MYT1L: variants seen among roughly 807,000 people sequenced by gnomAD.
MYT1L encodes the protein myelin transcription factor 1-like protein.
Under a neutral mutation model 126.7 loss-of-function variants are expected in MYT1L, and 12 were observed. The observed-to-expected ratio is 0.09, with a 90% confidence interval of 0.06 to 0.15. MYT1L has a LOEUF of 0.15. Among genes scored for constraint, MYT1L ranks in the 10% least tolerant of loss-of-function variants. The probability of loss-of-function intolerance (pLI) is 1.00; values close to 1 mark genes in which losing one functional copy is unlikely to be tolerated. For missense variants in MYT1L, 979 were observed against 1,585.2 expected, an observed-to-expected ratio of 0.62 and a Z score of 6.49; for synonymous variants, 541 against 604.2, an observed-to-expected ratio of 0.90 and a Z score of 1.53.
In MYT1L at chr2:2,193,976, T is replaced by G. The variant is rs2092697623; in HGVS notation, c.-420-20988A>C. 3.3e-5 allele frequency among the ~76,000 whole-genome samples: 5 copies of G among 152,162 alleles called. No individual in the cohort carries two copies. In the South Asian group the frequency reaches 1.0e-3, roughly 31 times the overall value. ...TAATAAAAATTATGTTTTTGTTCTC[T>G]AAATCATTATAGTGATTTAAATTTT... On this transcript the variant is annotated intron_variant, in intron 2 of 24. Coordinates refer to ENST00000647738, the MANE Select transcript of MYT1L (RefSeq NM_001303052.2).
chr2:1,870,957 ACCCG>A (rs1384164083), intron 18 of MYT1L, among the ~76,000 whole-genome samples: 25 of 152,162 alleles, frequency 1.6e-4, no homozygotes, highest in Non-Finnish European at 2.9e-5. Context: ...CTTCTGCTTT[ACCCG>A]CCCTGCCCTA....
In MYT1L at chr2:2,072,562, GT is replaced by G. The variant is rs2074728739; in HGVS notation, c.-303-18440del. 3.9e-5 allele frequency among the ~76,000 whole-genome samples: 6 copies of G among 152,254 alleles called. No homozygotes were observed. In the South Asian group the frequency reaches 1.2e-3, roughly 32 times the overall value. On this transcript the variant is annotated intron_variant, in intron 3 of 24. Transcript: ENST00000647738. ...TAACCTTGGTAGCTTACAAATAACA[GT>G]TTATTTCTCACAGTTCTGGAGGCTG...
chr2:2,173,756 G>A (rs72769208), intron 2 of MYT1L, among the ~76,000 whole-genome samples: 6,716 of 152,296 alleles, frequency 0.044, 224 homozygotes, highest in Non-Finnish European at 0.068. Context: ...GCTTATTAAA[G>A]TGCGTCTATG....
At chr2:2,189,678 C>T (rs2092448520) in intron 2 of MYT1L, among the ~76,000 whole-genome samples, 1 of 152,138 alleles carries the variant, frequency 6.6e-6, no homozygotes, top group Non-Finnish European at 1.5e-5. Context: ...AAAATCTCTG[C>T]GAGGGCTTCA....
intron 2 of MYT1L, among the ~76,000 whole-genome samples, chr2:2,267,692 C>T (rs1019371692): frequency 6.6e-6 from 1 of 152,070 alleles, no homozygotes; most frequent in Admixed American, 6.6e-5. Context: ...AAAGAAGAGA[C>T]CCAGTGTGGT....
At chr2:1,996,100 G>A (rs2061812443) in intron 5 of MYT1L, among the ~76,000 whole-genome samples, 1 of 152,240 alleles carries the variant, frequency 6.6e-6, no homozygotes, top group South Asian at 2.1e-4. Flanking sequence ...CGGTGTGCAG[G>A]CTGATTGTTT....
chr2:2,044,545 A>T lies in MYT1L; in HGVS notation c.-158+9433T>A, dbSNP rs554226859. ...TGCAACGGGCTTTTGAAAATGCTAGAGTCTCTCCTCTTAGATGCAGCCTGA... is the reference window on the plus strand; with the variant it reads ...TGCAACGGGCTTTTGAAAATGCTAGTGTCTCTCCTCTTAGATGCAGCCTGA... On this transcript the variant is annotated intron_variant, in intron 4 of 24. Transcript: ENST00000647738. Among the ~76,000 whole-genome samples, 7 of 152,338 alleles carry T rather than the reference A, an allele frequency of 4.6e-5. No individual in the cohort carries two copies. The East Asian group carries it at 7.7e-4, about 17-fold the overall frequency.
chr2:2,280,889 G>A (rs929346619), intron 2 of MYT1L, among the ~76,000 whole-genome samples: 1 of 152,198 alleles, frequency 6.6e-6, no homozygotes, highest in Non-Finnish European at 1.5e-5. Context: ...CTGATGAAGT[G>A]ACTGAGGCTT....
At chr2:2,187,455 C>G (rs2092294081) in intron 2 of MYT1L, among the ~76,000 whole-genome samples, 1 of 151,936 alleles carries the variant, frequency 6.6e-6, no homozygotes, top group Non-Finnish European at 1.5e-5. Flanking sequence ...GCGGGGCTGG[C>G]TGCTGAAAGG....
rs80028409 is a variant in MYT1L at position 2,320,616 on chromosome 2, A to G, written c.-521+10351T>C. 1.3e-3 allele frequency among the ~76,000 whole-genome samples: 199 copies of G among 152,352 alleles called. 3 individuals are homozygous for G. The East Asian group carries it at 0.035, about 27-fold the overall frequency. ...CAACTACCATCATTGACGCCAGCCT[A>G]CAGGATATGAGGCCAAAAACAGGTT... On this transcript the variant is annotated intron_variant, in intron 1 of 24. Coordinates refer to ENST00000647738, the MANE Select transcript of MYT1L (RefSeq NM_001303052.2).
intron 18 of MYT1L, among the ~76,000 whole-genome samples, chr2:1,853,240 G>T (rs2043502995): frequency 6.6e-6 from 1 of 152,178 alleles, no homozygotes; most frequent in African/African-American, 2.4e-5. Context: ...TCTTCTGTGT[G>T]CTCCCATCAC....
At chr2:2,116,106 T>C (rs1387866305) in intron 3 of MYT1L, among the ~76,000 whole-genome samples, 1 of 152,232 alleles carries the variant, frequency 6.6e-6, no homozygotes, top group Non-Finnish European at 1.5e-5. Context: ...CCACTCGATG[T>C]TCAATGAACA....
intron 2 of MYT1L, among the ~76,000 whole-genome samples, chr2:2,210,431 A>G (rs2093465484): frequency 6.6e-6 from 1 of 152,130 alleles, no homozygotes; most frequent in Non-Finnish European, 1.5e-5. Flanking sequence ...GTATAAAGCA[A>G]GAGATAAGGG....
intron 22 of MYT1L, among the ~76,000 whole-genome samples, chr2:1,807,151 C>T (rs918115192): frequency 2.0e-5 from 3 of 152,084 alleles, no homozygotes; most frequent in East Asian, 3.9e-4. Flanking sequence ...GGACAGGATG[C>T]CTCCAGGAGC....
rs559989356 is a variant in MYT1L, at chr2:1,892,956, T to A, written c.2033-669A>T. Among the ~76,000 whole-genome samples the A allele has an allele frequency of 1.2e-4, 18 of 152,150 alleles. 1 individual carries two copies. The South Asian group carries it at 3.1e-3, about 26-fold the overall frequency. ...AGGCCATGGGAGTGAAACGGGGAAA[T>A]GCACATAGAGAATAAGCTCAGGATA... On this transcript the variant is annotated intron_variant, in intron 14 of 24. Transcript: ENST00000647738.
At chr2:1,830,283 C>G (rs145019017) in intron 21 of MYT1L, among the ~76,000 whole-genome samples, 1 of 152,308 alleles carries the variant, frequency 6.6e-6, no homozygotes, top group Non-Finnish European at 1.5e-5. Context: ...GTTCTCTTCT[C>G]TTTGCCTCAA....
intron 2 of MYT1L, among the ~76,000 whole-genome samples, chr2:2,266,360 G>T (rs2095130004): frequency 6.6e-6 from 1 of 152,184 alleles, no homozygotes; most frequent in Admixed American, 6.5e-5. Flanking sequence ...GCAGTGGCTG[G>T]TTTCACATGA....
chr2:1,993,252 T>C (rs2061579119), intron 5 of MYT1L, among the ~76,000 whole-genome samples: 1 of 152,088 alleles, frequency 6.6e-6, no homozygotes, highest in African/African-American at 2.4e-5. Context: ...CCTTGGGCGG[T>C]TACATTATCG....
chr2:2,066,626 G>A (rs569838348), intron 3 of MYT1L, among the ~76,000 whole-genome samples: 14 of 152,334 alleles, frequency 9.2e-5, no homozygotes, highest in Middle Eastern at 3.4e-3. Flanking sequence ...AAGAAAACAG[G>A]GGTGGGGCAT....
Sources: allele counts gnomAD v4.1 joint callset (sites outside exome capture counted in the v4.1 genomes callset), GRCh38; gene constraint gnomAD v4.1.1; transcripts MANE v1.5; gene names NCBI Gene and HGNC (gene_info 2026-07-23, HGNC 2026-07-21).